The following ABCC6 variants were observed in gnomAD, a reference collection of about 807,000 sequenced individuals.
ABCC6 encodes the protein ATP-binding cassette sub-family C member 6.
ABCC6 carries 126 observed loss-of-function variants against 169.5 expected under a neutral mutation model. The observed-to-expected ratio is 0.74, with a 90% CI of 0.64 to 0.86. The LOEUF is 0.86. Among genes scored for constraint, ABCC6 ranks in the 40% least tolerant of loss-of-function variants. The probability of loss-of-function intolerance (pLI) is 0.00; values close to 1 mark genes in which losing one functional copy is unlikely to be tolerated. For synonymous variants in ABCC6, 752 were observed against 814.7 expected (o/e 0.92, Z 1.31); for missense variants, 1,733 against 1,927.2 (o/e 0.90, Z 1.89).
In ABCC6 at chr16:16,198,254, C is replaced by T. The variant is rs911368602; in HGVS notation, c.1177-72G>A. On this transcript the variant is annotated intron_variant, in intron 9 of 30. Transcript: ENST00000205557. ...AGAGGGATGCCCCAGGTGGCTTCTC[C>T]ACCCACTGAGCCCCACCTCACACGT... 6.6e-6 allele frequency: 10 copies of T among 1,512,980 alleles called. No homozygotes were observed. The African/African-American group carries it at 8.3e-5, about 13-fold the overall frequency. The allele number at this position is 1,512,980 out of a possible 1,614,324, so 93.7% of individuals were successfully genotyped here. A position where few individuals can be genotyped will look rare whatever the true frequency, so the allele number is the denominator to read the frequency against.
intron 22 of ABCC6, among the ~76,000 whole-genome samples, chr16:16,167,054 G>C (rs561341166): frequency 6.6e-6 from 1 of 152,338 alleles, no homozygotes; most frequent in South Asian, 2.1e-4. Flanking sequence ...TTTGGCAGTA[G>C]CCCTGTGAGA....
chr16:16,149,960 G>T lies in ABCC6; in HGVS notation c.*173C>A. 1.0e-6 allele frequency: 1 copy of T among 1,003,740 alleles called. No individual in the cohort carries two copies. The highest frequency in any genetic ancestry group is 1.5e-6 in the Non-Finnish European group (1 of 662,984). 62.2% of individuals were successfully genotyped at this position (1,003,740 alleles called of 1,614,324 possible). On this transcript the variant is annotated 3_prime_UTR_variant, in exon 31 of 31. Transcript: ENST00000205557. Reference sequence around the variant, plus strand: ...ACCTGTGTATTGCTAGGTCCTTCCGGCTCTGATGCTCTGTGATAATTGGCC... The same window carrying T: ...ACCTGTGTATTGCTAGGTCCTTCCGTCTCTGATGCTCTGTGATAATTGGCC...
chr16:16,208,914 C>G, intron 6 of ABCC6, 55 bp from the exon 7 acceptor site: 2 of 1,613,172 alleles, frequency 1.2e-6, no homozygotes, highest in Non-Finnish European at 1.7e-6. Flanking sequence ...CCTGCAGGAT[C>G]CTGGCCAGGC....
intron 15 of ABCC6, among the ~76,000 whole-genome samples, chr16:16,184,388 G>C (rs1339778976): frequency 6.6e-6 from 1 of 151,964 alleles, no homozygotes; most frequent in Non-Finnish European, 1.5e-5. Context: ...GCCCTTGTCT[G>C]TTTCCTTCGC....
chr16:16,153,914 G>GAA (rs75783374), intron 29 of ABCC6, among the ~76,000 whole-genome samples: 4 of 105,698 alleles, frequency 3.8e-5, no homozygotes, highest in African/African-American at 1.2e-4. Flanking sequence ...CAAAGAAAAA[G>GAA]AAAAAAAAAA....
At chr16:16,155,836 A>G (rs2046532969) in intron 27 of ABCC6, 1 of 152,362 alleles carries the variant, frequency 6.6e-6, no homozygotes, top group Admixed American at 6.5e-5. Context: ...TCCTTGCTCC[A>G]GTGTGCCCAT....
Position 16,182,473 on chromosome 16 carries a change from C to T in ABCC6, c.2186G>A (p.Cys729Tyr). Residue 729 changes from cysteine (C) to tyrosine (Y), a missense_variant, in exon 17 of 31, where the codon TGT (cysteine) becomes TAT (tyrosine). Physicochemically the swap from Cys to Tyr is radical, Grantham distance 194. This residue lies in a region of ABCC6 where 1,601 missense variants were observed against 1,635.5 expected (regional missense o/e 0.98). Transcript: ENST00000205557. ...PPWLERVLEA[C>Y]ALQPDVDSFP... ...GCTGTCCACATCTGGCTGCAGGGCA[C>T]AGGCTTCTAGTACTCTCTCCAGCCA... 6.2e-7 allele frequency: 1 copy of T among 1,614,182 alleles called. No homozygotes were observed. The highest frequency in any genetic ancestry group is 8.5e-7 in the Non-Finnish European group (1 of 1,180,044).
intron 22 of ABCC6, among the ~76,000 whole-genome samples, chr16:16,168,217 C>T (rs917197201): frequency 5.2e-5 from 8 of 152,382 alleles, no homozygotes; most frequent in African/African-American, 9.6e-5. Flanking sequence ...CCAGGCCGGG[C>T]GTGGTGGCTC....
At position 16,198,010 on chromosome 16, in the gene ABCC6, C is replaced by T. The variant is rs1169986720; in HGVS notation, c.1338+11G>A. The T allele has an allele frequency of 1.2e-6, 2 of 1,613,662 alleles. No homozygotes were observed. The highest frequency in any genetic ancestry group is 2.2e-5 in the East Asian group (1 of 44,846). On this transcript the variant is annotated intron_variant, in intron 10 of 30. Transcript: ENST00000205557. Reference sequence around the variant, plus strand: ...ACTCCGTTCAAATCCCGTCTTCCTCCTCTGGCATACCTGCCAGAGATAGAC... The same window carrying T: ...ACTCCGTTCAAATCCCGTCTTCCTCTTCTGGCATACCTGCCAGAGATAGAC...
intron 21 of ABCC6, among the ~76,000 whole-genome samples, chr16:16,170,778 G>A (rs528316965): frequency 5.3e-5 from 8 of 151,902 alleles, no homozygotes; most frequent in Admixed American, 1.3e-4. Flanking sequence ...AATTAGCCAC[G>A]TGTGGTGGCA....
In ABCC6 at chr16:16,193,793, C is replaced by T. The variant is rs1274627139; in HGVS notation, c.1339-871G>A. Among the ~76,000 whole-genome samples the T allele has an allele frequency of 2.6e-5, 4 of 152,214 alleles. No individual in the cohort carries two copies. The South Asian group carries it at 8.3e-4, about 32-fold the overall frequency. ...TTCTTGCACGAGATCCAAGAACCCT[C>T]TTTTGGGATCTGGATCAGGACCCCT... is the stretch of plus-strand genomic sequence containing the variant. On this transcript the variant is annotated intron_variant, in intron 10 of 30. Coordinates refer to ENST00000205557, the MANE Select transcript of ABCC6 (RefSeq NM_001171.6).
rs1596715194 is a variant in ABCC6 at position 16,202,132 on chromosome 16, C to T, written c.1045G>A (p.Gly349Ser). 3 of 1,613,804 alleles carry T rather than the reference C, an allele frequency of 1.9e-6. No homozygotes were observed. The Admixed American group carries it at 5.0e-5, about 27-fold the overall frequency. The part of the protein sequence containing the change: ...IGDPKPPAWK[G>S]YLLAVLMFLS... ...AACATCAGCACGGCGAGGAGGTAGC[C>T]CTTCCAGGCTGGAGGCTTGGGATCA... Residue 349 changes from glycine to serine, a missense_variant, in exon 9 of 31, where the codon GGC (glycine) becomes AGC (serine). Gly to Ser is a moderately conservative substitution (Grantham distance 56). Coordinates refer to ENST00000205557, the MANE Select transcript of ABCC6 (RefSeq NM_001171.6).
intron 4 of ABCC6, among the ~76,000 whole-genome samples, chr16:16,216,175 G>C (rs1317326488): frequency 6.6e-6 from 1 of 152,190 alleles, no homozygotes; most frequent in East Asian, 1.9e-4. Flanking sequence ...TCCTGCCTTG[G>C]CCTCCCAAAG....
intron 11 of ABCC6, among the ~76,000 whole-genome samples, chr16:16,192,511 G>C (rs2047895778): frequency 6.6e-6 from 1 of 152,150 alleles, no homozygotes; most frequent in South Asian, 2.1e-4. Flanking sequence ...GGTTCGGAGA[G>C]CCTATGCTGG....
At chr16:16,216,515 C>T (rs1416057841) in intron 4 of ABCC6, among the ~76,000 whole-genome samples, 1 of 151,594 alleles carries the variant, frequency 6.6e-6, no homozygotes, top group Non-Finnish European at 1.5e-5. Flanking sequence ...GTACCTCATT[C>T]TTTTTTATGG....
Position 16,174,762 on chromosome 16 carries a change from C to G in ABCC6, c.2666+1149G>C, listed in dbSNP as rs548037773. ...ACAGAGCAAGATTCTGTCTCAAAACCCCCCCCCGCAAAAAACAAAAAACCT... is the reference window on the plus strand; with the variant it reads ...ACAGAGCAAGATTCTGTCTCAAAACGCCCCCCCGCAAAAAACAAAAAACCT... On this transcript the variant is annotated intron_variant, in intron 20 of 30. Coordinates refer to ENST00000205557, the MANE Select transcript of ABCC6 (RefSeq NM_001171.6). 2.4e-3 allele frequency among the ~76,000 whole-genome samples: 217 copies of G among 92,054 alleles called. 13 individuals are homozygous for G. The highest frequency in any genetic ancestry group is 4.7e-3 in the Non-Finnish European group (181 of 38,554). 60.4% of individuals were successfully genotyped at this position (92,054 alleles called of 152,430 possible).
intron 12 of ABCC6, 100 bp downstream of exon 12, chr16:16,190,064 C>T (rs770089945): frequency 6.4e-5 from 82 of 1,273,112 alleles, no homozygotes; most frequent in Non-Finnish European, 8.1e-5. Context: ...TTTTGATGGA[C>T]GGGGTGGTAG....
chr16:16,174,736 G>A (rs565481050), intron 20 of ABCC6, among the ~76,000 whole-genome samples: 2 of 130,950 alleles, frequency 1.5e-5, no homozygotes, highest in Non-Finnish European at 3.2e-5. Context: ...CAGCCTGGGC[G>A]ACAGAGCAAG....
intron 14 of ABCC6, 112 bp downstream of exon 14, chr16:16,187,012 G>A (rs887628310): frequency 1.0e-5 from 9 of 899,858 alleles, no homozygotes; most frequent in Non-Finnish European, 1.4e-5. Context: ...GTCATCCATT[G>A]CCCGCAGCCC....
Sources: gnomAD v4.1 joint callset for allele counts (sites outside exome capture counted in the v4.1 genomes callset) on GRCh38, gnomAD v4.1.1 for gene constraint, gnomAD v4.1.1 regional missense constraint, MANE v1.5 for transcripts, NCBI Gene and HGNC (gene_info 2026-07-23, HGNC 2026-07-21) for gene names.